The following DPYD variants were observed in gnomAD, a reference collection of about 807,000 sequenced individuals.
The protein encoded by DPYD is dihydropyrimidine dehydrogenase, also known as dihydropyrimidine dehydrogenase [NADP(+)].
A neutral mutation model predicts 116.2 loss-of-function variants in DPYD; 109 were observed. The observed-to-expected ratio is 0.94, with a 90% confidence interval of 0.80 to 1.10. The LOEUF is 1.10. DPYD is among the 50% of genes least tolerant of loss of function. DPYD has a pLI of 0.00. For missense variants in DPYD, 1,302 were observed against 1,254.5 expected (o/e 1.04, Z -0.57); for synonymous variants, 440 against 432.0 (o/e 1.02, Z -0.23).
intron 20 of DPYD, among the ~76,000 whole-genome samples, chr1:97,142,878 G>C (rs1300194166): frequency 6.6e-6 from 1 of 151,772 alleles, no homozygotes. Context: ...TAATTCTTTA[G>C]AGACTTATAG....
At chr1:97,363,900 C>T (rs374439314) in intron 16 of DPYD, among the ~76,000 whole-genome samples, 42 of 152,174 alleles carry the variant, frequency 2.8e-4, no homozygotes, top group African/African-American at 6.7e-4. Flanking sequence ...TGTATACCTA[C>T]GTAACAAACC....
At chr1:97,636,263 A>G (rs1483618773) in intron 8 of DPYD, among the ~76,000 whole-genome samples, 1 of 152,098 alleles carries the variant, frequency 6.6e-6, no homozygotes, top group Non-Finnish European at 1.5e-5. Context: ...AAGTAATAAT[A>G]CCAATTAATG....
chr1:97,295,822 A>C (rs568471134), intron 18 of DPYD: 2 of 897,560 alleles, frequency 2.2e-6, no homozygotes, highest in African/African-American at 3.6e-5. Flanking sequence ...AGTTGTCATA[A>C]AGTTGTGTGA....
At chr1:97,724,961 G>GAGAC (rs1441841835) in intron 4 of DPYD, among the ~76,000 whole-genome samples, 2 of 143,440 alleles carry the variant, frequency 1.4e-5, no homozygotes, top group African/African-American at 2.5e-5. Context: ...GAAAGAGAGA[G>GAGAC]AGAGAGAGAG....
chr1:97,677,820 A>T (rs186976332), intron 8 of DPYD, among the ~76,000 whole-genome samples: 2 of 152,270 alleles, frequency 1.3e-5, no homozygotes, highest in East Asian at 3.9e-4. Context: ...TTGATAAGAA[A>T]AGTTTAGTAG....
At chr1:97,158,472 G>GACACAC (rs58771302) in intron 20 of DPYD, among the ~76,000 whole-genome samples, 11,182 of 111,886 alleles carry the variant, frequency 0.1, 962 homozygotes, top group Non-Finnish European at 0.12. Flanking sequence ...TAACTCACCA[G>GACACAC]ACACACACAC....
At position 97,173,379 on chromosome 1, in the gene DPYD, T is replaced by TAC. The variant is rs1491503171; in HGVS notation, c.2622+19689_2622+19690insGT. On this transcript the variant is annotated intron_variant, in intron 20 of 22. Transcript: ENST00000370192. ...ATGTACATATATACATATATGTGTG[T>TAC]ATATACGTACATATATGTGTGTATA... Among the ~76,000 whole-genome samples, 162 of 123,448 alleles carry TAC rather than the reference T, an allele frequency of 1.3e-3. No individual in the cohort carries two copies. In the South Asian group the frequency reaches 0.023, roughly 18 times the overall value. The allele number at this position is 123,448 out of a possible 152,430, so 81.0% of individuals were successfully genotyped here.
chr1:97,893,681 C>A (rs1672896073), intron 1 of DPYD, among the ~76,000 whole-genome samples: 1 of 151,342 alleles, frequency 6.6e-6, no homozygotes, highest in Non-Finnish European at 1.5e-5. Flanking sequence ...TGATTCATTT[C>A]TACTGAGCAT....
rs72975769 is a variant in DPYD at position 97,655,687 on chromosome 1, T to C, written c.850+23408A>G. 5.0e-3 allele frequency among the ~76,000 whole-genome samples: 768 copies of C among 152,276 alleles called. 5 individuals are homozygous for C. Among genetic ancestry groups the C allele is most frequent in the African/African-American group, 0.017 (726 of 41,550 alleles). ...AGCAATCAAATTAGAATAACAAGCA[T>C]AGGAATACACAAAGCACTGCTGCAG... is the stretch of plus-strand genomic sequence containing the variant. On this transcript the variant is annotated intron_variant, in intron 8 of 22. Transcript: ENST00000370192.
Position 97,265,975 on chromosome 1 carries a change from T to C in DPYD, c.2300-30981A>G, listed in dbSNP as rs140935189. ...ATTCTACAGCATTTTAATTGGTAAA[T>C]ACATTGTGCTTTAAGTAAAGGTAAA... On this transcript the variant is annotated intron_variant, in intron 18 of 22. Coordinates refer to ENST00000370192, the MANE Select transcript of DPYD (RefSeq NM_000110.4). Among the ~76,000 whole-genome samples, 612 of 152,318 alleles carry C rather than the reference T, an allele frequency of 4.0e-3. 11 individuals carry two copies. The highest frequency in any genetic ancestry group is 0.014 in the African/African-American group (589 of 41,578).
intron 16 of DPYD, among the ~76,000 whole-genome samples, chr1:97,347,632 G>A (rs185561379): frequency 1.3e-3 from 193 of 151,942 alleles, no homozygotes; most frequent in African/African-American, 4.3e-3. Flanking sequence ...AGGTTGTACC[G>A]GGCTCATAAA....
chr1:97,267,295 T>C (rs2100875567), intron 18 of DPYD, among the ~76,000 whole-genome samples: 1 of 152,340 alleles, frequency 6.6e-6, no homozygotes, highest in South Asian at 2.1e-4. Context: ...GATGAGCATT[T>C]TTTTCATGTG....
At chr1:97,327,107 C>T (rs1668749973) in intron 16 of DPYD, among the ~76,000 whole-genome samples, 1 of 151,946 alleles carries the variant, frequency 6.6e-6, no homozygotes, top group African/African-American at 2.4e-5. Flanking sequence ...GATCACAGGC[C>T]TAAATAGGAC....
chr1:97,691,217 A>G (rs576010019), intron 7 of DPYD: 1 of 153,612 alleles, frequency 6.5e-6, no homozygotes, highest in Non-Finnish European at 1.5e-5. Flanking sequence ...TTATTTAACA[A>G]AATAATAAAA....
chr1:97,785,155 TAGC>T (rs1302114703), intron 3 of DPYD, among the ~76,000 whole-genome samples: 1 of 152,150 alleles, frequency 6.6e-6, no homozygotes, highest in Non-Finnish European at 1.5e-5. Flanking sequence ...GAGAAAAACA[TAGC>T]AGCATAGCAA....
chr1:97,144,738 C>T (rs902983517), intron 20 of DPYD, among the ~76,000 whole-genome samples: 9 of 152,148 alleles, frequency 5.9e-5, no homozygotes, highest in African/African-American at 1.9e-4. Context: ...GTGCTTTGTG[C>T]TTTTGGTTGA....
chr1:97,514,250 A>G lies in DPYD; in HGVS notation c.1740+1476T>C, dbSNP rs140418299. ...CTGAAAGACACAGCATCACAAATCA[A>G]TGCATGTCACCAACAGTGTAAAGAC... On this transcript the variant is annotated intron_variant, in intron 13 of 22. Coordinates refer to ENST00000370192, the MANE Select transcript of DPYD (RefSeq NM_000110.4). 5.8e-4 allele frequency: 568 copies of G among 984,906 alleles called. 2 individuals are homozygous for G. The African/African-American group carries it at 9.5e-3, about 16-fold the overall frequency. 61.0% of individuals were successfully genotyped at this position (984,906 alleles called of 1,614,324 possible).
At chr1:97,106,755 T>C (rs1026664240) in intron 20 of DPYD, among the ~76,000 whole-genome samples, 1 of 151,718 alleles carries the variant, frequency 6.6e-6, no homozygotes, top group Non-Finnish European at 1.5e-5. Flanking sequence ...AGCTTGCAGA[T>C]GGCACGTCAT....
Position 97,408,663 on chromosome 1 carries a change from T to C in DPYD, c.1906-26202A>G, listed in dbSNP as rs998230555. ...TTGGATTGCAACGTATTGTTCCTAA[T>C]TGTGTCTGTGAGGATGTTGCCAAAG... On this transcript the variant is annotated intron_variant, in intron 14 of 22. Transcript: ENST00000370192. Among the ~76,000 whole-genome samples, 135 of 152,128 alleles carry C rather than the reference T, an allele frequency of 8.9e-4. 1 individual carries two copies. The highest frequency in any genetic ancestry group is 1.6e-4 in the Non-Finnish European group (11 of 68,022).
Sources: gnomAD v4.1 joint callset for allele counts (sites outside exome capture counted in the v4.1 genomes callset) on GRCh38, gnomAD v4.1.1 for gene constraint, MANE v1.5 for transcripts, NCBI Gene and HGNC (gene_info 2026-07-23, HGNC 2026-07-21) for gene names.